The following SAMD3 variants were observed in gnomAD, a reference collection of about 807,000 sequenced individuals.
SAMD3 encodes sterile alpha motif domain containing 3.
A neutral mutation model predicts 58.5 loss-of-function variants in SAMD3; 63 were observed. That is an observed-to-expected ratio of 1.08 (90% CI 0.88 to 1.33). SAMD3 has a LOEUF of 1.33. Ranked by LOEUF, SAMD3 falls within the 40% of genes most tolerant of loss-of-function variation. The pLI is 0.00. For synonymous variants in SAMD3, 220 were observed against 210.3 expected (o/e 1.05, Z -0.40); for missense variants, 604 against 608.4 (o/e 0.99, Z 0.08).
intron 1 of SAMD3, among the ~76,000 whole-genome samples, chr6:130,358,726 TACACACACACACAC>T (rs3029958): frequency 6.1e-4 from 88 of 144,696 alleles, no homozygotes; most frequent in African/African-American, 2.0e-3. Flanking sequence ...CACTATGTCT[TACACACACACACAC>T]ACACACACAC....
At chr6:130,184,644 A>C in intron 5 of SAMD3, 21 bp from the exon 6 acceptor site, 1 of 1,584,666 alleles carries the variant, frequency 6.3e-7, no homozygotes, top group Non-Finnish European at 8.6e-7. Flanking sequence ...AAAACACACA[A>C]AGAATGAAAT....
chr6:130,177,836 A>G (rs1157481496), intron 7 of SAMD3, among the ~76,000 whole-genome samples: 1 of 152,216 alleles, frequency 6.6e-6, no homozygotes, highest in Non-Finnish European at 1.5e-5. Context: ...TGCATGCTAG[A>G]AACTATAAAT....
At chr6:130,307,356 C>T (rs1383164350) in intron 2 of SAMD3, among the ~76,000 whole-genome samples, 1 of 152,122 alleles carries the variant, frequency 6.6e-6, no homozygotes, top group African/African-American at 2.4e-5. Flanking sequence ...GCATGGGTCT[C>T]TGAAAAATTA....
chr6:130,233,266 T>A (rs1443763729), intron 2 of SAMD3, among the ~76,000 whole-genome samples: 1 of 152,220 alleles, frequency 6.6e-6, no homozygotes, highest in Non-Finnish European at 1.5e-5. Context: ...ACAGTTATTA[T>A]TATACTTTAA....
intron 1 of SAMD3, among the ~76,000 whole-genome samples, chr6:130,332,729 T>A (rs971513173): frequency 1.3e-5 from 2 of 152,066 alleles, no homozygotes; most frequent in African/African-American, 2.4e-5. Context: ...ATGTTCAGAT[T>A]TTTAGAAAGA....
intron 2 of SAMD3, among the ~76,000 whole-genome samples, chr6:130,267,489 C>T (rs1315925951): frequency 6.6e-6 from 1 of 152,084 alleles, no homozygotes; most frequent in African/African-American, 2.4e-5. Flanking sequence ...AAGTGAGAGT[C>T]TCAAAGTGGG....
intron 2 of SAMD3, among the ~76,000 whole-genome samples, chr6:130,294,255 T>C (rs1292124625): frequency 2.0e-5 from 3 of 152,212 alleles, no homozygotes; most frequent in African/African-American, 7.2e-5. Flanking sequence ...ATACTTATTA[T>C]ACTAGACTTC....
At chr6:130,169,013 C>G (rs185190125) in intron 8 of SAMD3, among the ~76,000 whole-genome samples, 1 of 151,914 alleles carries the variant, frequency 6.6e-6, no homozygotes, top group Non-Finnish European at 1.5e-5. Flanking sequence ...ACTATGTTGC[C>G]CAGGCTGGTT....
chr6:130,214,579 G>A, intron 3 of SAMD3, 53 bp from the exon 4 acceptor site: 7 of 1,408,320 alleles, frequency 5.0e-6, no homozygotes, highest in Non-Finnish European at 5.7e-6. Flanking sequence ...CAAAACACAG[G>A]CATTCTGAAG....
intron 7 of SAMD3, among the ~76,000 whole-genome samples, chr6:130,179,739 A>G (rs1792095220): frequency 6.6e-6 from 1 of 151,050 alleles, no homozygotes; most frequent in South Asian, 2.1e-4. Flanking sequence ...TGTATATGAT[A>G]TTATGCACTT....
At chr6:130,263,141 G>T (rs1774203140) in intron 2 of SAMD3, among the ~76,000 whole-genome samples, 1 of 152,072 alleles carries the variant, frequency 6.6e-6, no homozygotes, top group Non-Finnish European at 1.5e-5. Context: ...ATGTAAAATG[G>T]TATTTGGCTT....
chr6:130,154,847 G>C lies in SAMD3; in HGVS notation c.1001C>G (p.Pro334Arg). The change falls in exon 9 of 12, where the codon CCT becomes CGT. Residue 334 changes from proline (P) to arginine (R), a missense_variant. By Grantham distance (103) the Pro-to-Arg change is moderately radical. Transcript: ENST00000439090. ...TPLKDILKLFPFLKCPYQMFR... is the reference protein window; with the variant it reads ...TPLKDILKLFRFLKCPYQMFR... Reference sequence around the variant, plus strand: ...TACCTGATAAGGGCACTTCAAGAAAGGAAACAGTTTAAGAATGTCCTTCAG... The same window carrying C: ...TACCTGATAAGGGCACTTCAAGAAACGAAACAGTTTAAGAATGTCCTTCAG... 6.2e-7 allele frequency: 1 copy of C among 1,611,842 alleles called. No homozygotes were observed. Among genetic ancestry groups the C allele is most frequent in the Non-Finnish European group, 8.5e-7 (1 of 1,179,410 alleles).
chr6:130,191,998 A>G (rs2114741392), intron 5 of SAMD3, among the ~76,000 whole-genome samples: 1 of 152,224 alleles, frequency 6.6e-6, no homozygotes. Context: ...TTCTAGGTTT[A>G]TCTCAAGCCT....
chr6:130,319,633 G>A (rs1776515312), intron 1 of SAMD3, among the ~76,000 whole-genome samples: 1 of 152,158 alleles, frequency 6.6e-6, no homozygotes, highest in African/African-American at 2.4e-5. Context: ...GTTGAAAGAA[G>A]TCTTTCAAGC....
At position 130,211,951 on chromosome 6, in the gene SAMD3, T is replaced by C. The variant is rs1234011381; in HGVS notation, c.270-2343A>G. Among the ~76,000 whole-genome samples, 3 of 150,124 alleles carry C rather than the reference T, an allele frequency of 2.0e-5. No homozygotes were observed. In the South Asian group the frequency reaches 6.5e-4, roughly 32 times the overall value. On this transcript the variant is annotated intron_variant, in intron 4 of 11. Coordinates refer to ENST00000439090, the MANE Select transcript of SAMD3 (RefSeq NM_001017373.4). ...CAGACTCTTTAGAACGGACCTAAAG[T>C]ATCACTTATTCTACCTACTTCATTT...
intron 1 of SAMD3, among the ~76,000 whole-genome samples, chr6:130,333,989 A>G (rs1349446993): frequency 6.6e-6 from 1 of 152,204 alleles, no homozygotes; most frequent in Non-Finnish European, 1.5e-5. Flanking sequence ...AGGTTCCTGC[A>G]CAGAAAATAC....
At chr6:130,269,648 T>G (rs71572918) in intron 2 of SAMD3, among the ~76,000 whole-genome samples, 1,824 of 152,000 alleles carry the variant, frequency 0.012, 18 homozygotes, top group Non-Finnish European at 0.021. Flanking sequence ...ATTTTATTGA[T>G]TTTTTTTCAA....
intron 2 of SAMD3, among the ~76,000 whole-genome samples, chr6:130,305,322 G>A (rs4092606): frequency 6.6e-6 from 1 of 151,864 alleles, no homozygotes; most frequent in African/African-American, 2.4e-5. Flanking sequence ...TATATATTCT[G>A]TGGGTTTTAT....
At chr6:130,171,889 C>T (rs1305596176) in intron 8 of SAMD3, among the ~76,000 whole-genome samples, 1 of 152,204 alleles carries the variant, frequency 6.6e-6, no homozygotes, top group Non-Finnish European at 1.5e-5. Flanking sequence ...AATCTGGGTG[C>T]TCCTGTACTA....
Sources: allele counts gnomAD v4.1 joint callset (sites outside exome capture counted in the v4.1 genomes callset), GRCh38; gene constraint gnomAD v4.1.1; transcripts MANE v1.5; gene names NCBI Gene and HGNC (gene_info 2026-07-23, HGNC 2026-07-21).